PCDH15: variants seen among roughly 807,000 people sequenced by gnomAD.
The protein encoded by PCDH15 is protocadherin-15.
PCDH15 carries 129 observed loss-of-function variants against 178.5 expected under a neutral mutation model. The ratio of observed to expected loss-of-function variants is 0.72; its 90% CI spans 0.63 to 0.84. The LOEUF is 0.84. PCDH15 is among the 40% of genes least tolerant of loss of function. PCDH15 has a pLI of 0.00. For missense variants in PCDH15, 2,230 were observed against 2,099.9 expected (o/e 1.06, Z -1.21); for synonymous variants, 800 against 732.0 (o/e 1.09, Z -1.50).
intron 32 of PCDH15, chr10:53,822,656 GA>G: frequency 6.2e-7 from 1 of 1,614,104 alleles, no homozygotes; most frequent in Non-Finnish European, 8.5e-7. Context: ...CAGGAGAACT[GA>G]TGACATTAGG....
At chr10:54,561,392 C>T (rs2088128532) in intron 2 of PCDH15, among the ~76,000 whole-genome samples, 1 of 152,120 alleles carries the variant, frequency 6.6e-6, no homozygotes, top group Admixed American at 6.5e-5. Context: ...TATGTAATAT[C>T]TATCAATAAA....
intron 3 of PCDH15, among the ~76,000 whole-genome samples, chr10:54,450,910 T>C (rs145710432): frequency 6.6e-6 from 1 of 152,044 alleles, no homozygotes; most frequent in East Asian, 1.9e-4. Context: ...GTTAGATTTA[T>C]TAACTGATAA....
chr10:55,411,544 T>C (rs899823821), intron 2 of PCDH15, among the ~76,000 whole-genome samples: 1 of 152,104 alleles, frequency 6.6e-6, no homozygotes, highest in Non-Finnish European at 1.5e-5. Flanking sequence ...TTATCAAGTA[T>C]TTTTTTCCCA....
At chr10:54,477,921 T>TA (rs1210447331) in intron 3 of PCDH15, among the ~76,000 whole-genome samples, 3 of 152,166 alleles carry the variant, frequency 2.0e-5, no homozygotes, top group Non-Finnish European at 4.4e-5. Flanking sequence ...ATGAAATACT[T>TA]ACTTGGCAGA....
chr10:54,590,707 AGCAGAGTAAAAGT>A (rs1003677410), intron 2 of PCDH15, among the ~76,000 whole-genome samples: 1 of 152,174 alleles, frequency 6.6e-6, no homozygotes, highest in Non-Finnish European at 1.5e-5. Context: ...CAGAGAGAAG[AGCAGAGTAAAAGT>A]GCTTTGCCTA....
chr10:54,279,211 C>T (rs2058528964), intron 8 of PCDH15, among the ~76,000 whole-genome samples: 1 of 151,400 alleles, frequency 6.6e-6, no homozygotes, highest in Non-Finnish European at 1.5e-5. Flanking sequence ...GGCTGGGCAG[C>T]TTTTTGTGGG....
At chr10:54,977,454 GC>G (rs1042215545) in intron 2 of PCDH15, among the ~76,000 whole-genome samples, 28 of 152,086 alleles carry the variant, frequency 1.8e-4, no homozygotes, top group African/African-American at 6.3e-4. Flanking sequence ...TCCTATCAGT[GC>G]CATGAAAGTT....
intron 27 of PCDH15, among the ~76,000 whole-genome samples, chr10:53,860,343 C>A (rs986174022): frequency 9.9e-5 from 15 of 152,118 alleles, no homozygotes; most frequent in African/African-American, 3.6e-4. Flanking sequence ...GGAGTTCTGA[C>A]CAACGTAAAC....
intron 2 of PCDH15, among the ~76,000 whole-genome samples, chr10:55,325,169 G>T (rs1440003131): frequency 4.6e-5 from 7 of 152,092 alleles, no homozygotes; most frequent in Non-Finnish European, 1.0e-4. Context: ...TAGATTCAAT[G>T]CCATTCCTAT....
chr10:55,036,100 A>C (rs530497734), intron 2 of PCDH15, among the ~76,000 whole-genome samples: 9 of 152,280 alleles, frequency 5.9e-5, no homozygotes, highest in African/African-American at 2.2e-4. Flanking sequence ...TCATCAGTGG[A>C]TTAATGGATT....
intron 2 of PCDH15, among the ~76,000 whole-genome samples, chr10:55,356,029 C>G (rs144809562): frequency 5.3e-5 from 8 of 151,846 alleles, no homozygotes; most frequent in African/African-American, 1.7e-4. Context: ...ATTTAATGTT[C>G]TTGATCTCTC....
rs1050926664 is a variant in PCDH15 at position 55,580,081 on chromosome 10, A to C, written c.-156+47544T>G. Among the ~76,000 whole-genome samples the C allele has an allele frequency of 4.4e-3, 669 of 151,992 alleles. 5 individuals are homozygous for C. The highest frequency in any genetic ancestry group is 0.015 in the African/African-American group (641 of 41,512). ...CATGTAGGCCAAGCTGGTCTCCAAC[A>C]CCTGACCTCAGGTGATCCACCCGCC... On this transcript the variant is annotated intron_variant, in intron 2 of 5. Coordinates refer to the PCDH15 transcript ENST00000613346.
chr10:54,343,159 T>G (rs142599159), intron 6 of PCDH15, among the ~76,000 whole-genome samples: 1 of 152,240 alleles, frequency 6.6e-6, no homozygotes. Context: ...TGGTTGGAAT[T>G]ATATGGTTTG....
intron 2 of PCDH15, among the ~76,000 whole-genome samples, chr10:54,934,743 G>T (rs1367804385): frequency 6.6e-6 from 1 of 151,610 alleles, no homozygotes; most frequent in East Asian, 1.9e-4. Context: ...ATACCCAAAG[G>T]ATTATAAATC....
chr10:54,465,085 T>C (rs2077427488), intron 3 of PCDH15, among the ~76,000 whole-genome samples: 2 of 152,162 alleles, frequency 1.3e-5, no homozygotes, highest in Admixed American at 1.3e-4. Context: ...GTTTCACTTT[T>C]AATAATTAAA....
At chr10:54,464,156 T>A (rs1169752409) in intron 3 of PCDH15, among the ~76,000 whole-genome samples, 1 of 152,138 alleles carries the variant, frequency 6.6e-6, no homozygotes, top group Non-Finnish European at 1.5e-5. Context: ...CAAGAAGCTC[T>A]CCAAGAGCTG....
At chr10:54,671,897 G>C (rs1402885893) in intron 1 of PCDH15, among the ~76,000 whole-genome samples, 1 of 152,104 alleles carries the variant, frequency 6.6e-6, no homozygotes, top group Non-Finnish European at 1.5e-5. Context: ...CCAGGCCACA[G>C]AGCAGGAGGT....
chr10:53,965,120 C>T (rs746499732), intron 21 of PCDH15, among the ~76,000 whole-genome samples: 25 of 151,180 alleles, frequency 1.7e-4, no homozygotes, highest in African/African-American at 4.1e-4. Context: ...TGCAGTTGCA[C>T]GATCTCCGCT....
intron 20 of PCDH15, among the ~76,000 whole-genome samples, chr10:54,009,821 C>G (rs574110955): frequency 6.6e-6 from 1 of 152,260 alleles, no homozygotes; most frequent in South Asian, 2.1e-4. Context: ...AGCTCCCCAC[C>G]GGTGCCTCCA....
Sources: allele counts gnomAD v4.1 joint callset (sites outside exome capture counted in the v4.1 genomes callset), GRCh38; gene constraint gnomAD v4.1.1; transcripts MANE v1.5; gene names NCBI Gene and HGNC (gene_info 2026-07-23, HGNC 2026-07-21).